Variants in VEGFC observed in about 807,000 individuals in gnomAD.
The protein encoded by VEGFC is vascular endothelial growth factor C.
A neutral mutation model predicts 46.1 loss-of-function variants in VEGFC; 12 were observed. The ratio of observed to expected loss-of-function variants is 0.26; its 90% confidence interval spans 0.17 to 0.42. VEGFC has a LOEUF of 0.42. VEGFC is among the 10% of genes least tolerant of loss of function. The pLI is 1.00. For missense variants in VEGFC, 488 were observed against 529.4 expected, an observed-to-expected ratio of 0.92 and a Z score of 0.77; for synonymous variants, 232 against 195.5, an observed-to-expected ratio of 1.19 and a Z score of -1.56.
chr4:176,714,837 G>A (rs1254208015), intron 3 of VEGFC, among the ~76,000 whole-genome samples: 5 of 152,190 alleles, frequency 3.3e-5, no homozygotes, highest in Non-Finnish European at 7.3e-5. Context: ...AGGAACAGCA[G>A]CTTTGAAGAA....
intron 1 of VEGFC, among the ~76,000 whole-genome samples, chr4:176,766,702 C>T (rs974295957): frequency 3.3e-5 from 5 of 151,756 alleles, no homozygotes; most frequent in East Asian, 1.9e-4. Context: ...AGAAAGAAAC[C>T]GTATAGAGAC....
At chr4:176,748,565 A>C (rs1735293929) in intron 1 of VEGFC, among the ~76,000 whole-genome samples, 1 of 152,048 alleles carries the variant, frequency 6.6e-6, no homozygotes, top group South Asian at 2.1e-4. Flanking sequence ...AAAGGGAGGA[A>C]GATTGCTTAA....
intron 1 of VEGFC, among the ~76,000 whole-genome samples, chr4:176,790,156 A>G (rs1294429001): frequency 6.6e-6 from 1 of 152,178 alleles, no homozygotes; most frequent in Non-Finnish European, 1.5e-5. Context: ...CACTGAATGC[A>G]TTAATGACAC....
In VEGFC at chr4:176,759,934, C is replaced by T. The variant is rs563132056; in HGVS notation, c.148-30188G>A. On this transcript the variant is annotated intron_variant, in intron 1 of 6. Transcript: ENST00000618562. ...TAAAATGTTAACATGGTATCATTGACGAAGGCATAGCTTCCAAATTTAGAG... is the reference window on the plus strand; with the variant it reads ...TAAAATGTTAACATGGTATCATTGATGAAGGCATAGCTTCCAAATTTAGAG... 1.6e-3 allele frequency among the ~76,000 whole-genome samples: 247 copies of T among 151,836 alleles called. 2 individuals carry two copies. The highest frequency in any genetic ancestry group is 2.9e-3 in the Non-Finnish European group (197 of 67,944).
intron 1 of VEGFC, among the ~76,000 whole-genome samples, chr4:176,753,584 C>T (rs1321885210): frequency 1.3e-5 from 2 of 152,076 alleles, no homozygotes; most frequent in Non-Finnish European, 2.9e-5. Flanking sequence ...AGTTTTATAA[C>T]TCCTCCCTCA....
intron 3 of VEGFC, among the ~76,000 whole-genome samples, chr4:176,725,858 A>G (rs2111014201): frequency 6.6e-6 from 1 of 152,230 alleles, no homozygotes; most frequent in South Asian, 2.1e-4. Context: ...AATTATTAAT[A>G]TGTTTTAAAA....
intron 1 of VEGFC, among the ~76,000 whole-genome samples, chr4:176,750,186 T>C (rs1735318813): frequency 6.6e-6 from 1 of 151,738 alleles, no homozygotes; most frequent in African/African-American, 2.4e-5. Context: ...GGTTCATTAT[T>C]ACTCCGATCT....
At chr4:176,722,170 G>A (rs1449725179) in intron 3 of VEGFC, among the ~76,000 whole-genome samples, 2 of 150,970 alleles carry the variant, frequency 1.3e-5, no homozygotes, top group Admixed American at 6.6e-5. Flanking sequence ...TAACAAAAAA[G>A]CAGACAAACT....
At position 176,792,055 on chromosome 4, in the gene VEGFC, C is replaced by A; in HGVS notation, c.147+110G>T. On this transcript the variant is annotated intron_variant, in intron 1 of 6. Coordinates refer to ENST00000618562, the MANE Select transcript of VEGFC (RefSeq NM_005429.5). The surrounding 1 kb of genome is among the most constrained non-coding windows in gnomAD (Gnocchi z 6.3). ...CACTGAGCTCAGTAACTTTGGATCC[C>A]ACGTACACAAGCTTAAAGCACACAC... The A allele has an allele frequency of 1.5e-6, 2 of 1,326,102 alleles. No individual in the cohort carries two copies. The highest frequency in any genetic ancestry group is 2.9e-5 in the East Asian group (1 of 34,668). The allele number at this position is 1,326,102 out of a possible 1,614,324, so 82.1% of individuals were successfully genotyped here.
chr4:176,728,446 C>A (rs151205245), intron 2 of VEGFC, among the ~76,000 whole-genome samples: 1 of 152,132 alleles, frequency 6.6e-6, no homozygotes, highest in African/African-American at 2.4e-5. Flanking sequence ...TCAAGTCAAA[C>A]GTCCTTTTCA....
chr4:176,716,365 T>A (rs958644009), intron 3 of VEGFC, among the ~76,000 whole-genome samples: 6 of 151,320 alleles, frequency 4.0e-5, no homozygotes, highest in African/African-American at 1.2e-4. Context: ...TCACTTGAGG[T>A]CAGGAGTTCA....
At chr4:176,778,388 A>G (rs1735851012) in intron 1 of VEGFC, among the ~76,000 whole-genome samples, 1 of 47,678 alleles carries the variant, frequency 2.1e-5, no homozygotes, top group African/African-American at 3.7e-5. Flanking sequence ...TAAAACACAT[A>G]TTTAGGAAAA....
At chr4:176,732,886 T>C (rs980105911) in intron 1 of VEGFC, among the ~76,000 whole-genome samples, 1 of 151,652 alleles carries the variant, frequency 6.6e-6, no homozygotes, top group African/African-American at 2.4e-5. Flanking sequence ...TGATAAACAG[T>C]GAGAAAACAT....
rs761373858 is a variant in VEGFC, at chr4:176,687,875, T to A, written c.757A>T (p.Ile253Phe). ...CPTNYMWNNHICRCLAQEDFM... is the reference protein window; with the variant it reads ...CPTNYMWNNHFCRCLAQEDFM... ...TCTTCCTGAGCCAGGCATCTGCAGA[T>A]GTGATTATTCCACATGTAATTGGTG... Residue 253 changes from isoleucine (I) to phenylalanine (F), a missense_variant, in exon 5 of 7, where the codon ATC (isoleucine) becomes TTC (phenylalanine). Transcript: ENST00000618562. 6.2e-7 allele frequency: 1 copy of A among 1,613,874 alleles called. No homozygotes were observed. Among genetic ancestry groups the A allele is most frequent in the South Asian group, 1.1e-5 (1 of 90,994 alleles).
chr4:176,698,480 G>A (rs914829156), intron 4 of VEGFC, among the ~76,000 whole-genome samples: 1 of 151,802 alleles, frequency 6.6e-6, no homozygotes, highest in African/African-American at 2.4e-5. Context: ...GATAAATATT[G>A]TACATATATA....
intron 1 of VEGFC, among the ~76,000 whole-genome samples, chr4:176,730,157 T>C (rs1734938061): frequency 6.6e-6 from 1 of 152,178 alleles, no homozygotes; most frequent in Non-Finnish European, 1.5e-5. Flanking sequence ...AACAATACAA[T>C]ATGCTTAAGC....
intron 4 of VEGFC, among the ~76,000 whole-genome samples, chr4:176,699,208 C>T (rs1474597345): frequency 1.3e-5 from 2 of 152,154 alleles, no homozygotes; most frequent in Non-Finnish European, 2.9e-5. Flanking sequence ...AAATAGCCTT[C>T]CTATCTCTAG....
At chr4:176,784,100 T>C (rs1034164374) in intron 1 of VEGFC, among the ~76,000 whole-genome samples, 3 of 145,018 alleles carry the variant, frequency 2.1e-5, no homozygotes, top group Non-Finnish European at 4.5e-5. Flanking sequence ...AGTCTCACTC[T>C]GTTGCCCAGG....
Position 176,709,181 on chromosome 4 carries a change from T to C in VEGFC, c.704+2318A>G, listed in dbSNP as rs867873727. Reference sequence around the variant, plus strand: ...AGTCATTTTATTTAACAAGCATTTATGTACATTATTTAGCCAACAGCTTTG... The same window carrying C: ...AGTCATTTTATTTAACAAGCATTTACGTACATTATTTAGCCAACAGCTTTG... On this transcript the variant is annotated intron_variant, in intron 4 of 6. Transcript: ENST00000618562. 9.2e-5 allele frequency among the ~76,000 whole-genome samples: 14 copies of C among 152,322 alleles called. 1 individual carries two copies. The highest frequency in any genetic ancestry group is 3.1e-4 in the African/African-American group (13 of 41,570).
Sources: allele counts gnomAD v4.1 joint callset (sites outside exome capture counted in the v4.1 genomes callset), GRCh38; gene constraint gnomAD v4.1.1; non-coding constraint Gnocchi (gnomAD v3.1); transcripts MANE v1.5; gene names NCBI Gene and HGNC (gene_info 2026-07-23, HGNC 2026-07-21).